Variants in TFEB observed in about 807,000 individuals in gnomAD.
The protein encoded by TFEB is transcription factor EB.
In TFEB, 12 loss-of-function variants were observed where a neutral mutation model predicts 48.0. That is an observed-to-expected ratio of 0.25 (90% confidence interval 0.16 to 0.40). The LOEUF (loss-of-function observed/expected upper bound fraction) is 0.40, where lower values mean the gene tolerates loss of function less well. Among genes scored for constraint, TFEB ranks in the 10% least tolerant of loss-of-function variants. TFEB has a pLI of 1.00. For synonymous variants in TFEB, 244 were observed against 261.4 expected (o/e 0.93, Z 0.64); for missense variants, 509 against 640.3 (o/e 0.79, Z 2.21).
intron 4 of TFEB, chr6:41,688,269 A>C: frequency 2.1e-6 from 1 of 471,834 alleles, no homozygotes; most frequent in Non-Finnish European, 3.8e-6. Context: ...GATCCAACCA[A>C]TAATATGTGA....
chr6:41,696,110 G>C (rs1343355098), intron 1 of TFEB, among the ~76,000 whole-genome samples: 3 of 152,250 alleles, frequency 2.0e-5, no homozygotes, highest in Non-Finnish European at 4.4e-5. Flanking sequence ...AAGGGCTTCT[G>C]AGGGGAGTAC....
At chr6:41,736,179 A>C, upstream of TFEB, 1 of 1,612,838 alleles carries the variant, frequency 6.2e-7, no homozygotes, top group Middle Eastern at 1.6e-4. Flanking sequence ...GCTGGACAGA[A>C]ATTGTCTGAG....
chr6:41,695,334 C>T (rs945882984), intron 1 of TFEB, among the ~76,000 whole-genome samples: 1 of 152,188 alleles, frequency 6.6e-6, no homozygotes, highest in African/African-American at 2.4e-5. Flanking sequence ...TAGTATGAAC[C>T]AGCCCATGAA....
intron 1 of TFEB, among the ~76,000 whole-genome samples, chr6:41,703,926 G>A (rs551115344): frequency 6.6e-6 from 1 of 152,312 alleles, no homozygotes; most frequent in Non-Finnish European, 1.5e-5. Flanking sequence ...TTGGTAGGTA[G>A]CAGAACTGGG....
chr6:41,708,988 A>G (rs1364487827), intron 1 of TFEB, among the ~76,000 whole-genome samples: 1 of 152,208 alleles, frequency 6.6e-6, no homozygotes, highest in Non-Finnish European at 1.5e-5. Flanking sequence ...TGCAAGTTGC[A>G]TGGAGAAGAA....
intron 1 of TFEB, among the ~76,000 whole-genome samples, chr6:41,726,336 G>C (rs762627594): frequency 6.6e-6 from 1 of 152,180 alleles, no homozygotes; most frequent in Non-Finnish European, 1.5e-5. Flanking sequence ...GCTGATTATC[G>C]TACAGTCAGG....
At chr6:41,703,968 C>A (rs1446829683) in intron 1 of TFEB, among the ~76,000 whole-genome samples, 1 of 152,124 alleles carries the variant, frequency 6.6e-6, no homozygotes, top group Non-Finnish European at 1.5e-5. Flanking sequence ...TGCTGGGTGC[C>A]CCTGTGGAGA....
intron 4 of TFEB, chr6:41,688,274 A>C: frequency 2.4e-5 from 11 of 454,328 alleles, no homozygotes; most frequent in East Asian, 6.5e-5. Flanking sequence ...AACCAATAAT[A>C]TGTGATAGGA....
chr6:41,727,106 T>C (rs915354287), intron 1 of TFEB, among the ~76,000 whole-genome samples: 1 of 152,102 alleles, frequency 6.6e-6, no homozygotes, highest in South Asian at 2.1e-4. Flanking sequence ...TTCCTGGCCA[T>C]GGGTAGGGGG....
chr6:41,691,121 C>A lies in TFEB; in HGVS notation c.93G>T (p.Met31Ile). ...GCTGCTGCTGCTGCTGCATGTAATG[C>A]ATGACAGCCTGTTGCTGCATGCGCT... Reference protein sequence around the residue: ...QRERMQQQAVMHYMQQQQQQQ... With the variant: ...QRERMQQQAVIHYMQQQQQQQ... The change falls in exon 2 of 9, where the codon ATG becomes ATT. Residue 31 changes from methionine (M) to isoleucine (I), a missense_variant. Physicochemically the swap from Met to Ile is conservative, Grantham distance 10 (BLOSUM62 1). This residue lies in a region of TFEB where 251 missense variants were observed against 317.2 expected (regional missense o/e 0.79). Transcript: ENST00000373033. The surrounding 1 kb of genome is among the most constrained non-coding windows in gnomAD (Gnocchi z 5.2). 6.3e-7 allele frequency: 1 copy of A among 1,585,750 alleles called. No homozygotes were observed. The highest frequency in any genetic ancestry group is 1.8e-5 in the Admixed American group (1 of 56,436).
chr6:41,733,571 G>A (rs1177616323), intron 1 of TFEB: 6 of 973,392 alleles, frequency 6.2e-6, no homozygotes, highest in Non-Finnish European at 7.3e-6. Context: ...CCAGCTCTCC[G>A]GGCCCCGCGG....
At position 41,684,769 on chromosome 6, in the gene TFEB, G is replaced by A. The variant is rs776300374; in HGVS notation, c.1261C>T (p.His421Tyr). 4 of 1,612,202 alleles carry A rather than the reference G, an allele frequency of 2.5e-6. No homozygotes were observed. Among genetic ancestry groups the A allele is most frequent in the South Asian group, 1.1e-5 (1 of 90,790 alleles). The change falls in exon 9 of 9, where the codon CAT becomes TAT. Residue 421 changes from histidine to tyrosine, a missense_variant. His to Tyr is a moderately conservative substitution (Grantham distance 83, BLOSUM62 2). This residue lies in a region of TFEB where 168 missense variants were observed against 161.0 expected (regional missense o/e 1.04). Transcript: ENST00000373033. ...PGYPEPLAPG[H>Y]GSPFPSLSKK... ...GACAGGCTGGGGAATGGGGAGCCAT[G>A]CCCCGGCGCCAGGGGTTCGGGGTAG...
In TFEB at chr6:41,684,752, G is replaced by A. The variant is rs1424299615; in HGVS notation, c.1278C>T (p.Pro426=). The change falls in exon 9 of 9, where the codon CCC becomes CCT. Residue 426 remains proline (P), a synonymous_variant. Transcript: ENST00000373033. ...PLAPGHGSPF[P]SLSKKDLDLM... ...GGTCCAGATCCTTCTTGGACAGGCT[G>A]GGGAATGGGGAGCCATGCCCCGGCG... is the stretch of plus-strand genomic sequence containing the variant. 6.2e-7 allele frequency: 1 copy of A among 1,613,312 alleles called. No homozygotes were observed. The highest frequency in any genetic ancestry group is 8.5e-7 in the Non-Finnish European group (1 of 1,179,738).
intron 1 of TFEB, among the ~76,000 whole-genome samples, chr6:41,703,193 G>A (rs1344468735): frequency 6.6e-6 from 1 of 152,230 alleles, no homozygotes; most frequent in Non-Finnish European, 1.5e-5. Flanking sequence ...GGCAGGGAAG[G>A]CTCGTTGACT....
rs1049841096 is a variant in TFEB, at chr6:41,723,392, GACAC to G, written c.-23+11954_-23+11957del. 5.0e-6 allele frequency: 5 copies of G among 997,200 alleles called. No homozygotes were observed. The highest frequency in any genetic ancestry group is 6.9e-6 in the Non-Finnish European group (5 of 723,648). 61.8% of individuals were successfully genotyped at this position (997,200 alleles called of 1,614,324 possible). On this transcript the variant is annotated intron_variant, in intron 1 of 8. Transcript: ENST00000373033. This position sits in a 1 kb window ranked among gnomAD's most constrained non-coding sequence, Gnocchi z 6.0. ...AGATGCACACAGGCTAACACACATG[GACAC>G]ACATTCACACACATGCTCACACACA...
intron 1 of TFEB, among the ~76,000 whole-genome samples, chr6:41,700,109 G>A (rs536472616): frequency 8.5e-5 from 13 of 152,314 alleles, no homozygotes; most frequent in Non-Finnish European, 1.6e-4. Flanking sequence ...AAATGGAACC[G>A]CTCTGCCAAG....
Position 41,734,205 on chromosome 6 carries a change from C to CG in TFEB, c.-23+1144dup. On this transcript the variant is annotated intron_variant, in intron 1 of 8. Coordinates refer to ENST00000373033, the MANE Select transcript of TFEB (RefSeq NM_001271944.2). The surrounding 1 kb of genome is among the most constrained non-coding windows in gnomAD (Gnocchi z 4.0). ...ACGACGGCTGGAGCTGAGGGGGGTT[C>CG]GGGGGAAGGCGCAGCGGCCAGGGGC... 1 of 297,016 alleles carries CG rather than the reference C, an allele frequency of 3.4e-6. No individual in the cohort carries two copies. The highest frequency in any genetic ancestry group is 5.0e-6 in the Non-Finnish European group (1 of 200,604). 18.4% of individuals were successfully genotyped at this position (297,016 alleles called of 1,614,324 possible).
Position 41,684,947 on chromosome 6 carries a change from C to A in TFEB, c.1083G>T (p.Met361Ile). 1.9e-6 allele frequency: 3 copies of A among 1,586,308 alleles called. No homozygotes were observed. The South Asian group carries it at 3.4e-5, about 18-fold the overall frequency. Residue 361 changes from methionine to isoleucine, a missense_variant, in exon 9 of 9, where the codon ATG (methionine) becomes ATT (isoleucine). Transcript: ENST00000373033. The stretch of plus-strand genomic sequence containing the variant: ...CAGGGTCAGGGACCTCAGCCCCCAG[C>A]ATCAGGGCCTCCCCTGGGCCCTCTT... ...PSEEGPGEAL[M>I]LGAEVPDPEP...
chr6:41,693,473 A>G (rs1769412397), intron 1 of TFEB, among the ~76,000 whole-genome samples: 1 of 152,138 alleles, frequency 6.6e-6, no homozygotes, highest in African/African-American at 2.4e-5. Flanking sequence ...CCCAGGCAGC[A>G]TGGCCTCTGA....
Sources: allele counts gnomAD v4.1 joint callset (sites outside exome capture counted in the v4.1 genomes callset), GRCh38; gene constraint gnomAD v4.1.1; regional missense constraint gnomAD v4.1.1; non-coding constraint Gnocchi (gnomAD v3.1); transcripts MANE v1.5; gene names NCBI Gene and HGNC (gene_info 2026-07-23, HGNC 2026-07-21).